Variants in USP34 observed in about 807,000 individuals in gnomAD.
USP34 encodes the protein ubiquitin specific peptidase 34.
A neutral mutation model predicts 460.3 loss-of-function variants in USP34; 70 were observed. The observed-to-expected ratio is 0.15, with a 90% confidence interval of 0.13 to 0.19. The LOEUF is 0.19. Ranked by LOEUF, USP34 falls within the 10% of genes least tolerant of loss-of-function variation. USP34 has a pLI of 1.00. For synonymous variants in USP34, 1,647 were observed against 1,405.3 expected, an observed-to-expected ratio of 1.17 and a Z score of -3.85; for missense variants, 3,985 against 4,236.2, an observed-to-expected ratio of 0.94 and a Z score of 1.65.
chr2:61,197,346 T>C (rs1686839040), intron 75 of USP34, among the ~76,000 whole-genome samples: 1 of 152,170 alleles, frequency 6.6e-6, no homozygotes, highest in African/African-American at 2.4e-5. Context: ...TTCTCATCAA[T>C]TTTGAGAGCC....
chr2:61,331,695 T>G (rs1691268129), intron 19 of USP34, among the ~76,000 whole-genome samples: 1 of 152,044 alleles, frequency 6.6e-6, no homozygotes, highest in Non-Finnish European at 1.5e-5. Flanking sequence ...TGGTCATTAC[T>G]TAGCACAATA....
chr2:61,252,892 T>C (rs950999712), intron 48 of USP34, among the ~76,000 whole-genome samples: 2 of 152,160 alleles, frequency 1.3e-5, no homozygotes, highest in African/African-American at 2.4e-5. Context: ...TAAACTAAGA[T>C]GACAAAACAA....
At chr2:61,268,466 A>C (rs1427375134) in intron 41 of USP34, among the ~76,000 whole-genome samples, 1 of 140,410 alleles carries the variant, frequency 7.1e-6, no homozygotes, top group East Asian at 2.2e-4. Context: ...AAAAAAAAAA[A>C]AAGTGTTGCA....
chr2:61,194,649 C>A (rs1686742805), intron 75 of USP34, among the ~76,000 whole-genome samples: 1 of 152,146 alleles, frequency 6.6e-6, no homozygotes, highest in Non-Finnish European at 1.5e-5. Flanking sequence ...CAGGCTGGGA[C>A]AATTTTCTTA....
chr2:61,349,419 C>G (rs1691874489), intron 12 of USP34, 134 bp from the exon 13 acceptor site: 10 of 806,082 alleles, frequency 1.2e-5, no homozygotes. Flanking sequence ...AAGTCCCCAC[C>G]ACCTACAGTA....
At chr2:61,226,528 C>T (rs897676583) in intron 62 of USP34, among the ~76,000 whole-genome samples, 1 of 152,104 alleles carries the variant, frequency 6.6e-6, no homozygotes, top group Non-Finnish European at 1.5e-5. Flanking sequence ...TTTTTCCCAC[C>T]TTTTTTTACT....
intron 5 of USP34, among the ~76,000 whole-genome samples, chr2:61,384,236 A>G (rs1266630495): frequency 6.6e-6 from 1 of 152,206 alleles, no homozygotes; most frequent in Non-Finnish European, 1.5e-5. Context: ...TTTTCTACAC[A>G]ATATTTTAAC....
intron 1 of USP34, among the ~76,000 whole-genome samples, chr2:61,423,443 A>G (rs975594240): frequency 2.6e-5 from 4 of 152,110 alleles, no homozygotes; most frequent in Non-Finnish European, 4.4e-5. Context: ...GGAAATATTA[A>G]AAAAAATCCA....
At chr2:61,261,969 T>A (rs1277345028) in intron 43 of USP34, among the ~76,000 whole-genome samples, 1 of 150,916 alleles carries the variant, frequency 6.6e-6, no homozygotes, top group East Asian at 2.0e-4. Flanking sequence ...CAGGTGCCTG[T>A]AATCCCAGCT....
chr2:61,461,341 C>A (rs975614793), intron 1 of USP34, among the ~76,000 whole-genome samples: 1 of 150,860 alleles, frequency 6.6e-6, no homozygotes, highest in Non-Finnish European at 1.5e-5. Context: ...TGCAGTGAGC[C>A]GAGATGGCAC....
chr2:61,189,073 C>T lies in USP34; in HGVS notation c.9874-4G>A, dbSNP rs771646059. On this transcript the variant is annotated splice_polypyrimidine_tract_variant and splice_region_variant and intron_variant, in intron 78 of 79. Coordinates refer to ENST00000398571, the MANE Select transcript of USP34 (RefSeq NM_014709.4). ...GCAAAGCGAGTGCCCTCAGGTCCTA[C>T]AAAAACCCAGATAGGAACATTTCAA... 2 of 1,607,862 alleles carry T rather than the reference C, an allele frequency of 1.2e-6. No homozygotes were observed. The highest frequency in any genetic ancestry group is 3.4e-5 in the Admixed American group (2 of 58,408).
At chr2:61,297,419 C>T (rs1019716420) in intron 29 of USP34, among the ~76,000 whole-genome samples, 2 of 152,184 alleles carry the variant, frequency 1.3e-5, no homozygotes, top group Admixed American at 1.3e-4. Context: ...ATTTTAGAGA[C>T]CTATTTTTTT....
At chr2:61,245,136 T>C in intron 51 of USP34, 74 bp downstream of exon 51, 1 of 1,089,996 alleles carries the variant, frequency 9.2e-7, no homozygotes, top group South Asian at 1.6e-5. Flanking sequence ...TAAGCGACTC[T>C]GCTATTGGAT....
At chr2:61,213,822 G>C (rs535252210) in intron 68 of USP34, among the ~76,000 whole-genome samples, 11 of 152,168 alleles carry the variant, frequency 7.2e-5, no homozygotes, top group African/African-American at 2.2e-4. Flanking sequence ...TTAAAAAACA[G>C]GTAAGTTTTA....
intron 41 of USP34, among the ~76,000 whole-genome samples, chr2:61,276,339 CTTCAT>C (rs1689371438): frequency 8.9e-6 from 1 of 112,076 alleles, no homozygotes; most frequent in Non-Finnish European, 2.1e-5. Context: ...TTTTCTATAA[CTTCAT>C]AAATGTCAAA....
At chr2:61,442,898 TACACACACACACACACAC>T (rs58151221) in intron 1 of USP34, among the ~76,000 whole-genome samples, 3 of 147,308 alleles carry the variant, frequency 2.0e-5, no homozygotes, top group South Asian at 2.1e-4. Context: ...GTGATGTGTG[TACACACACACACACACAC>T]ACACACACAC....
At chr2:61,257,482 ATTTC>A (rs1688750516) in intron 44 of USP34, 132 bp from the exon 45 acceptor site, 3 of 634,428 alleles carry the variant, frequency 4.7e-6, no homozygotes, top group Non-Finnish European at 7.1e-6. Context: ...GGTTGCTTCT[ATTTC>A]TTTCTGTTTA....
At chr2:61,294,293 C>G (rs1689954386) in intron 32 of USP34, among the ~76,000 whole-genome samples, 1 of 151,640 alleles carries the variant, frequency 6.6e-6, no homozygotes, top group Non-Finnish European at 1.5e-5. Flanking sequence ...TTGCAGCAAG[C>G]AGAGATCGCG....
At chr2:61,390,964 G>A (rs545490579) in intron 5 of USP34, among the ~76,000 whole-genome samples, 50 of 152,096 alleles carry the variant, frequency 3.3e-4, no homozygotes, top group Middle Eastern at 3.4e-3. Context: ...GCATGGTGGT[G>A]CGTGCCTGTA....
Sources: allele counts gnomAD v4.1 joint callset (sites outside exome capture counted in the v4.1 genomes callset), GRCh38; gene constraint gnomAD v4.1.1; transcripts MANE v1.5; gene names NCBI Gene and HGNC (gene_info 2026-07-23, HGNC 2026-07-21).